The following LINGO2 variants were observed in gnomAD, a reference collection of about 807,000 sequenced individuals.
LINGO2 encodes leucine-rich repeat and immunoglobulin-like domain-containing nogo receptor-interacting protein 2.
LINGO2 carries 14 observed loss-of-function variants against 30.6 expected under a neutral mutation model. The observed-to-expected ratio is 0.46, with a 90% CI of 0.30 to 0.72. LINGO2 has a LOEUF of 0.72. LINGO2 is among the 30% of genes least tolerant of loss of function. LINGO2 has a pLI of 0.07. For missense variants in LINGO2, 729 were observed against 751.7 expected (o/e 0.97, Z 0.35); for synonymous variants, 317 against 288.5 (o/e 1.10, Z -1.00).
chr9:28,800,570 G>A, the LINGO2 span, among the ~76,000 whole-genome samples: 1 of 152,034 alleles, frequency 6.6e-6, no homozygotes, highest in Non-Finnish European at 1.5e-5. Context: ...GCTAGCAGTA[G>A]CCGTATCATT....
At chr9:28,162,848 C>T (rs929334281) in intron 4 of LINGO2, among the ~76,000 whole-genome samples, 1 of 151,988 alleles carries the variant, frequency 6.6e-6, no homozygotes, top group African/African-American at 2.4e-5. Context: ...CATGGTATAG[C>T]ATAGTGAAGA....
intron 1 of LINGO2, among the ~76,000 whole-genome samples, chr9:28,584,545 T>C (rs1476114988): frequency 6.6e-6 from 1 of 151,860 alleles, no homozygotes; most frequent in Non-Finnish European, 1.5e-5. Context: ...TAGTAAGGAA[T>C]TGACCAAAAA....
intron 1 of LINGO2, among the ~76,000 whole-genome samples, chr9:28,585,132 C>T (rs996822815): frequency 6.6e-6 from 1 of 151,988 alleles, no homozygotes; most frequent in Non-Finnish European, 1.5e-5. Context: ...TAATTCGTTT[C>T]ATGTAAATGA....
At chr9:28,846,372 A>C in the LINGO2 span, among the ~76,000 whole-genome samples, 1 of 151,604 alleles carries the variant, frequency 6.6e-6, no homozygotes, top group Non-Finnish European at 1.5e-5. Flanking sequence ...AGTTGGGATT[A>C]ATTTATTTAG....
chr9:28,181,842 C>A lies in LINGO2; in HGVS notation c.-87+113366G>T, dbSNP rs571112692. 4.1e-4 allele frequency among the ~76,000 whole-genome samples: 62 copies of A among 152,102 alleles called. No individual in the cohort carries two copies. In the South Asian group the frequency reaches 9.8e-3, roughly 24 times the overall value. ...GTTCTCCTTGAAGAGGTCCTTCTAT[C>A]CTCATGGATAAGAAGAATCAACATC... On this transcript the variant is annotated intron_variant, in intron 4 of 5. Transcript: ENST00000379992.
intron 3 of LINGO2, among the ~76,000 whole-genome samples, chr9:28,342,375 T>A (rs1342838033): frequency 6.6e-6 from 1 of 152,140 alleles, no homozygotes; most frequent in Non-Finnish European, 1.5e-5. Flanking sequence ...ACGCAAACTT[T>A]ATCGCTACGT....
the LINGO2 span, among the ~76,000 whole-genome samples, chr9:29,103,569 T>A: frequency 5.4e-3 from 823 of 152,104 alleles, 11 homozygotes; most frequent in African/African-American, 0.019. Flanking sequence ...TAAATATATT[T>A]CTTTATTTTA....
At chr9:28,403,580 G>A (rs1165817556) in intron 2 of LINGO2, among the ~76,000 whole-genome samples, 6 of 151,644 alleles carry the variant, frequency 4.0e-5, no homozygotes, top group Non-Finnish European at 8.8e-5. Context: ...TAAACTTATC[G>A]AGGCCCTACC....
the LINGO2 span, among the ~76,000 whole-genome samples, chr9:29,171,737 G>A: frequency 6.6e-6 from 1 of 151,814 alleles, no homozygotes; most frequent in East Asian, 1.9e-4. Context: ...AGAAAAAGTA[G>A]AATTGCAATA....
chr9:29,049,123 A>G, the LINGO2 span, among the ~76,000 whole-genome samples: 1 of 152,228 alleles, frequency 6.6e-6, no homozygotes, highest in African/African-American at 2.4e-5. Context: ...TCCATAGGAA[A>G]AAATATAATA....
chr9:28,644,667 T>C (rs1331899016), intron 1 of LINGO2, among the ~76,000 whole-genome samples: 1 of 151,942 alleles, frequency 6.6e-6, no homozygotes, highest in Non-Finnish European at 1.5e-5. Flanking sequence ...TAATTGTTCT[T>C]TTTAAATAAG....
the LINGO2 span, among the ~76,000 whole-genome samples, chr9:29,213,484 G>C: frequency 1.3e-5 from 2 of 152,076 alleles, no homozygotes; most frequent in Non-Finnish European, 2.9e-5. Flanking sequence ...GGGGCTGGGC[G>C]GGCGGCGGGC....
At chr9:28,367,221 A>G (rs1207439926) in intron 3 of LINGO2, among the ~76,000 whole-genome samples, 1 of 152,200 alleles carries the variant, frequency 6.6e-6, no homozygotes, top group African/African-American at 2.4e-5. Flanking sequence ...CTGTTTCATG[A>G]CTTGCATGAT....
chr9:28,223,361 G>A (rs1032471262), intron 4 of LINGO2, among the ~76,000 whole-genome samples: 7 of 152,086 alleles, frequency 4.6e-5, no homozygotes, highest in African/African-American at 1.7e-4. Flanking sequence ...AAGGCATAAG[G>A]GCAAGAGAAC....
At chr9:28,631,558 G>T (rs919356143) in intron 1 of LINGO2, among the ~76,000 whole-genome samples, 7 of 152,104 alleles carry the variant, frequency 4.6e-5, no homozygotes, top group Non-Finnish European at 8.8e-5. Flanking sequence ...TTGTAGATGT[G>T]TGGTATTAGA....
At chr9:28,820,776 T>A in the LINGO2 span, among the ~76,000 whole-genome samples, 1 of 152,196 alleles carries the variant, frequency 6.6e-6, no homozygotes, top group Non-Finnish European at 1.5e-5. Flanking sequence ...TTAGAAACAG[T>A]GGGGGTTTTG....
intron 4 of LINGO2, among the ~76,000 whole-genome samples, chr9:28,024,606 AC>A (rs1280888414): frequency 6.6e-6 from 1 of 152,020 alleles, no homozygotes; most frequent in Non-Finnish European, 1.5e-5. Context: ...CTTTTGTAAT[AC>A]CTTTCCTTTA....
intron 1 of LINGO2, among the ~76,000 whole-genome samples, chr9:28,639,163 C>T (rs368088376): frequency 2.0e-5 from 3 of 152,000 alleles, no homozygotes; most frequent in African/African-American, 7.2e-5. Context: ...GTTCTAGTTT[C>T]ATTGCACTGT....
chr9:28,096,097 C>T (rs1826235296), intron 4 of LINGO2, among the ~76,000 whole-genome samples: 1 of 152,118 alleles, frequency 6.6e-6, no homozygotes, highest in Non-Finnish European at 1.5e-5. Context: ...GCCATGATCA[C>T]ATGGCTGCAC....
Sources: allele counts gnomAD v4.1 joint callset (sites outside exome capture counted in the v4.1 genomes callset), GRCh38; gene constraint gnomAD v4.1.1; transcripts MANE v1.5; gene names NCBI Gene and HGNC (gene_info 2026-07-23, HGNC 2026-07-21).